The following PCDH9 variants were observed in gnomAD, a reference collection of about 807,000 sequenced individuals.
PCDH9 encodes the protein protocadherin 9, also known as protocadherin-9.
Under a neutral mutation model 70.6 loss-of-function variants are expected in PCDH9, and 24 were observed. The observed-to-expected ratio is 0.34, with a 90% CI of 0.25 to 0.48. The LOEUF (loss-of-function observed/expected upper bound fraction) is 0.48, where lower values mean the gene tolerates loss of function less well. Among genes scored for constraint, PCDH9 ranks in the 20% least tolerant of loss-of-function variants. PCDH9 has a pLI of 0.99. For missense variants in PCDH9, 1,281 were observed against 1,503.6 expected, an observed-to-expected ratio of 0.85 and a Z score of 2.45; for synonymous variants, 562 against 558.5, an observed-to-expected ratio of 1.01 and a Z score of -0.09.
Position 67,018,033 on chromosome 13 carries a change from C to T in PCDH9, c.3037-114428G>A, listed in dbSNP as rs548888748. On this transcript the variant is annotated intron_variant, in intron 2 of 4. Coordinates refer to ENST00000377865, the MANE Select transcript of PCDH9 (RefSeq NM_203487.3). Reference sequence around the variant, plus strand: ...TGTTCTGTTAATTTTTTTGATTTTACAAATTTTTCTTTGATTAGAAGCAAT... The same window carrying T: ...TGTTCTGTTAATTTTTTTGATTTTATAAATTTTTCTTTGATTAGAAGCAAT... 1.6e-4 allele frequency among the ~76,000 whole-genome samples: 25 copies of T among 152,216 alleles called. No individual in the cohort carries two copies. In the South Asian group the frequency reaches 2.1e-3, roughly 13 times the overall value.
intron 3 of PCDH9, among the ~76,000 whole-genome samples, chr13:66,777,166 C>A (rs946638146): frequency 3.3e-5 from 5 of 152,034 alleles, no homozygotes; most frequent in African/African-American, 1.2e-4. Flanking sequence ...AGACCTAAAA[C>A]CATAAAAACC....
rs1955416241 is a variant in PCDH9, at chr13:66,304,052, A to G, written c.*603T>C. On this transcript the variant is annotated 3_prime_UTR_variant, in exon 5 of 5. Transcript: ENST00000377865. ...AAGGACAGAAGCAACCATAAAACAC[A>G]GAATTATGCTACAACATTTTTAGGT... 6.6e-6 allele frequency: 1 copy of G among 152,518 alleles called. No individual in the cohort carries two copies. Among genetic ancestry groups the G allele is most frequent in the Admixed American group, 6.6e-5 (1 of 15,236 alleles). 9.4% of individuals were successfully genotyped at this position (152,518 alleles called of 1,614,324 possible).
intron 4 of PCDH9, among the ~76,000 whole-genome samples, chr13:66,501,171 A>G (rs1234462866): frequency 6.6e-6 from 1 of 152,174 alleles, no homozygotes; most frequent in Non-Finnish European, 1.5e-5. Context: ...TAATAAATGC[A>G]CATCCTTATG....
chr13:67,147,467 C>G (rs1195827925), intron 2 of PCDH9, among the ~76,000 whole-genome samples: 1 of 152,166 alleles, frequency 6.6e-6, no homozygotes, highest in East Asian at 1.9e-4. Flanking sequence ...AGTCAGGGCC[C>G]AGTCTTCAGC....
chr13:66,827,578 G>A (rs2080847891), intron 3 of PCDH9, among the ~76,000 whole-genome samples: 2 of 152,088 alleles, frequency 1.3e-5, no homozygotes, highest in South Asian at 4.1e-4. Context: ...AATTTTGAAG[G>A]TGGAGTTGGC....
chr13:66,650,310 CTAAA>C (rs1156531543), intron 3 of PCDH9, among the ~76,000 whole-genome samples: 1 of 151,496 alleles, frequency 6.6e-6, no homozygotes, highest in East Asian at 1.9e-4. Context: ...CAAATGGAAA[CTAAA>C]AAAGAACAGA....
At chr13:66,799,719 C>T (rs898541455) in intron 3 of PCDH9, among the ~76,000 whole-genome samples, 5 of 152,138 alleles carry the variant, frequency 3.3e-5, no homozygotes, top group African/African-American at 1.2e-4. Context: ...AATTATTTCT[C>T]TTAACTTTTG....
At chr13:66,480,355 TC>T (rs1881822686) in intron 4 of PCDH9, among the ~76,000 whole-genome samples, 1 of 152,222 alleles carries the variant, frequency 6.6e-6, no homozygotes, top group South Asian at 2.1e-4. Flanking sequence ...TGGAATCTAC[TC>T]CTGGTGAAGA....
rs1007589005 is a variant in PCDH9, at chr13:66,445,728, C to G, written c.3341-140700G>C. 2.1e-5 allele frequency among the ~76,000 whole-genome samples: 3 copies of G among 142,852 alleles called. No individual in the cohort carries two copies. In the South Asian group the frequency reaches 6.4e-4, roughly 30 times the overall value. The allele number at this position is 142,852 out of a possible 152,430, so 93.7% of individuals were successfully genotyped here. ...TATGTATACACATATATAATACATA[C>G]ACATATATATTATATATACACATAT... is the stretch of plus-strand genomic sequence containing the variant. On this transcript the variant is annotated intron_variant, in intron 4 of 4. Transcript: ENST00000377865.
intron 4 of PCDH9, among the ~76,000 whole-genome samples, chr13:66,557,594 C>T (rs1202984167): frequency 1.3e-5 from 2 of 152,096 alleles, no homozygotes; most frequent in African/African-American, 4.8e-5. Flanking sequence ...ACCAGCATTG[C>T]CCTCTGTACT....
At chr13:66,549,588 C>T (rs978953300) in intron 4 of PCDH9, among the ~76,000 whole-genome samples, 4 of 151,882 alleles carry the variant, frequency 2.6e-5, no homozygotes, top group African/African-American at 9.7e-5. Context: ...CTCAGTTAAA[C>T]CTCTTTTCTT....
chr13:66,926,145 G>C (rs1030839515), intron 2 of PCDH9, among the ~76,000 whole-genome samples: 4 of 151,622 alleles, frequency 2.6e-5, no homozygotes, highest in Admixed American at 2.0e-4. Context: ...CTACTATATA[G>C]TGCCTGGAAA....
rs868412369 is a variant in PCDH9, at chr13:66,746,932, T to A, written c.3139-115521A>T. On this transcript the variant is annotated intron_variant, in intron 3 of 4. Transcript: ENST00000377865. ...AATGTGAATACCCCTATCCCCCAACTTTCGTGATTTGTGAGATTTCTTGCT... is the reference window on the plus strand; with the variant it reads ...AATGTGAATACCCCTATCCCCCAACATTCGTGATTTGTGAGATTTCTTGCT... Among the ~76,000 whole-genome samples, 80 of 152,322 alleles carry A rather than the reference T, an allele frequency of 5.3e-4. 1 individual carries two copies. The highest frequency in any genetic ancestry group is 1.9e-3 in the African/African-American group (78 of 41,566).
At position 67,016,958 on chromosome 13, in the gene PCDH9, G is replaced by T. The variant is rs993792822; in HGVS notation, c.3037-113353C>A. ...GTGCTCAATGATATTTTCTACTAGG[G>T]TTTTTTTTTCCCTCTGAGAGCATTT... On this transcript the variant is annotated intron_variant, in intron 2 of 4. Coordinates refer to ENST00000377865, the MANE Select transcript of PCDH9 (RefSeq NM_203487.3). Among the ~76,000 whole-genome samples the T allele has an allele frequency of 2.0e-5, 3 of 151,224 alleles. No individual in the cohort carries two copies. In the East Asian group the frequency reaches 5.8e-4, roughly 29 times the overall value.
chr13:67,106,168 G>C (rs1433491664), intron 2 of PCDH9, among the ~76,000 whole-genome samples: 1 of 152,082 alleles, frequency 6.6e-6, no homozygotes, highest in Non-Finnish European at 1.5e-5. Context: ...AAGTATCCTT[G>C]CTTATTTCAG....
chr13:66,706,242 C>T (rs952563338), intron 3 of PCDH9, among the ~76,000 whole-genome samples: 3 of 152,158 alleles, frequency 2.0e-5, no homozygotes, highest in South Asian at 4.1e-4. Context: ...AAGAACACTT[C>T]CACATAATGG....
chr13:66,930,320 A>G (rs1397739363), intron 2 of PCDH9, among the ~76,000 whole-genome samples: 1 of 152,162 alleles, frequency 6.6e-6, no homozygotes, highest in Non-Finnish European at 1.5e-5. Context: ...TATAATCTAA[A>G]AGAGCAATTT....
chr13:66,527,174 C>A (rs1434206341), intron 4 of PCDH9, among the ~76,000 whole-genome samples: 1 of 151,826 alleles, frequency 6.6e-6, no homozygotes, highest in Non-Finnish European at 1.5e-5. Context: ...TATGTTTTAC[C>A]TTTTATCTAT....
At chr13:66,516,853 A>T (rs931745926) in intron 4 of PCDH9, among the ~76,000 whole-genome samples, 1 of 152,128 alleles carries the variant, frequency 6.6e-6, no homozygotes, top group Non-Finnish European at 1.5e-5. Flanking sequence ...ATCTCAATTA[A>T]GAATATCTTT....
Sources: allele counts gnomAD v4.1 joint callset (sites outside exome capture counted in the v4.1 genomes callset), GRCh38; gene constraint gnomAD v4.1.1; transcripts MANE v1.5; gene names NCBI Gene and HGNC (gene_info 2026-07-23, HGNC 2026-07-21).